The following BAG4 variants were observed in gnomAD, a reference collection of about 807,000 sequenced individuals.
BAG4 encodes BAG family molecular chaperone regulator 4.
In BAG4, 28 loss-of-function variants were observed where a neutral mutation model predicts 52.1. The observed-to-expected ratio is 0.54, with a 90% confidence interval of 0.40 to 0.74. The LOEUF (loss-of-function observed/expected upper bound fraction) is 0.74. BAG4 is among the 30% of genes least tolerant of loss of function. The pLI, the probability that BAG4 is intolerant of heterozygous loss-of-function variation, is 0.00. For synonymous variants in BAG4, 208 were observed against 217.0 expected, an observed-to-expected ratio of 0.96 and a Z score of 0.37; for missense variants, 525 against 572.0, an observed-to-expected ratio of 0.92 and a Z score of 0.84.
rs566922186 is a variant in BAG4, at chr8:38,196,641, A to ACT, written c.378+3849_378+3850dup. Among the ~76,000 whole-genome samples the ACT allele has an allele frequency of 5.0e-4, 76 of 151,476 alleles. 1 individual carries two copies. In the East Asian group the frequency reaches 0.014, roughly 28 times the overall value. On this transcript the variant is annotated intron_variant, in intron 2 of 4. Transcript: ENST00000287322. ...ACTGCAGCCTGGGCAACAGAGCGAG[A>ACT]CTCTGTCTCAAAAAAAAAAATTATA...
chr8:38,184,732 A>G (rs1191753859), intron 1 of BAG4, among the ~76,000 whole-genome samples: 1 of 152,120 alleles, frequency 6.6e-6, no homozygotes, highest in Non-Finnish European at 1.5e-5. Context: ...CCAGAAAGCA[A>G]GCAAGCTGGG....
chr8:38,185,114 CTG>C (rs1440037020), intron 1 of BAG4, among the ~76,000 whole-genome samples: 2 of 150,706 alleles, frequency 1.3e-5, no homozygotes, highest in African/African-American at 2.4e-5. Flanking sequence ...AAATAGAATG[CTG>C]TGTTTGGACC....
intron 2 of BAG4, among the ~76,000 whole-genome samples, chr8:38,193,864 A>G (rs778479156): frequency 9.3e-5 from 14 of 150,920 alleles, no homozygotes; most frequent in Non-Finnish European, 2.1e-4. Context: ...TCAGCCTCCC[A>G]AGTAGCTGGG....
intron 1 of BAG4, among the ~76,000 whole-genome samples, chr8:38,191,286 A>G (rs1803469337): frequency 6.6e-6 from 1 of 152,238 alleles, no homozygotes; most frequent in Non-Finnish European, 1.5e-5. Context: ...CAGTGTTGAT[A>G]ATTATGATTA....
intron 1 of BAG4, among the ~76,000 whole-genome samples, chr8:38,181,280 G>A (rs539177942): frequency 1.4e-5 from 2 of 146,162 alleles, no homozygotes; most frequent in South Asian, 4.3e-4. Context: ...TTTTGCCCAG[G>A]CTGGAGCGCA....
At chr8:38,184,595 A>G (rs943329867) in intron 1 of BAG4, among the ~76,000 whole-genome samples, 1 of 152,124 alleles carries the variant, frequency 6.6e-6, no homozygotes, top group Non-Finnish European at 1.5e-5. Context: ...CGGGTCGGAG[A>G]GTGTTGTTGA....
intron 1 of BAG4, among the ~76,000 whole-genome samples, chr8:38,191,649 A>C (rs536130267): frequency 2.7e-5 from 4 of 150,868 alleles, no homozygotes; most frequent in Admixed American, 2.6e-4. Flanking sequence ...AATCCCAGCT[A>C]TTCAGGAGGC....
At chr8:38,209,882 A>G (rs992833501) in intron 4 of BAG4, 126 bp from the exon 5 acceptor site, 12 of 1,349,270 alleles carry the variant, frequency 8.9e-6, no homozygotes, top group Non-Finnish European at 1.2e-5. Context: ...GAGGGGTCCA[A>G]TTTTATTGTT....
chr8:38,209,134 G>C lies in BAG4; in HGVS notation c.755G>C (p.Gly252Ala). The C allele has an allele frequency of 6.2e-7, 1 of 1,614,104 alleles. No homozygotes were observed. Among genetic ancestry groups the C allele is most frequent in the Non-Finnish European group, 8.5e-7 (1 of 1,180,026 alleles). The change falls in exon 4 of 5, where the codon GGT becomes GCT. Residue 252 changes from glycine to alanine, a missense_variant. Coordinates refer to ENST00000287322, the MANE Select transcript of BAG4 (RefSeq NM_004874.4). ...GCTTCTCCTGGTGCTTATGGAATGG[G>C]TGGCCGTTATCCCTGGCCTTCATCA... ...AWASPGAYGM[G>A]GRYPWPSSAP...
chr8:38,203,653 A>AT (rs1241114397), intron 2 of BAG4, among the ~76,000 whole-genome samples: 1 of 151,740 alleles, frequency 6.6e-6, no homozygotes, highest in Non-Finnish European at 1.5e-5. Context: ...GCCTACAGGG[A>AT]TTTTTTGTGA....
intron 1 of BAG4, among the ~76,000 whole-genome samples, chr8:38,188,652 CATATATACAT>C (rs1563280656): frequency 0.023 from 17 of 740 alleles, no homozygotes; most frequent in Non-Finnish European, 0.047. Flanking sequence ...TACATGTATA[CATATATACAT>C]GTATACATAT....
intron 2 of BAG4, among the ~76,000 whole-genome samples, chr8:38,206,199 T>TG (rs977981075): frequency 6.6e-5 from 10 of 150,594 alleles, no homozygotes; most frequent in African/African-American, 2.4e-4. Context: ...CGCTTGAATC[T>TG]GGGGGGTGGA....
At chr8:38,198,212 G>A (rs1479588265) in intron 2 of BAG4, among the ~76,000 whole-genome samples, 2 of 150,440 alleles carry the variant, frequency 1.3e-5, no homozygotes, top group East Asian at 2.0e-4. Context: ...GTGAAACCCC[G>A]TCTCTGCTAA....
intron 1 of BAG4, among the ~76,000 whole-genome samples, chr8:38,178,235 A>G (rs1803202485): frequency 6.7e-6 from 1 of 149,796 alleles, no homozygotes; most frequent in Admixed American, 6.7e-5. Flanking sequence ...GGCTCACTGC[A>G]ACCTCCGCCT....
At chr8:38,209,780 G>T (rs1321733930) in intron 4 of BAG4, among the ~76,000 whole-genome samples, 1 of 152,238 alleles carries the variant, frequency 6.6e-6, no homozygotes, top group Non-Finnish European at 1.5e-5. Context: ...GCAGGTTCCA[G>T]CCATTATAAC....
At chr8:38,187,088 C>T (rs979215420) in intron 1 of BAG4, among the ~76,000 whole-genome samples, 3 of 152,100 alleles carry the variant, frequency 2.0e-5, no homozygotes, top group Non-Finnish European at 4.4e-5. Flanking sequence ...GGAAAAAAAG[C>T]AGGTAACAGA....
intron 1 of BAG4, 88 bp from the exon 2 acceptor site, chr8:38,192,600 T>C (rs1803494487): frequency 1.9e-6 from 2 of 1,070,638 alleles, no homozygotes; most frequent in Non-Finnish European, 2.6e-6. Flanking sequence ...GCTTTTTTTT[T>C]TAATCCTTAT....
At chr8:38,177,533 G>A (rs1288290117) in intron 1 of BAG4, among the ~76,000 whole-genome samples, 1 of 152,178 alleles carries the variant, frequency 6.6e-6, no homozygotes. Flanking sequence ...TGCAGCCCCC[G>A]ATGCCGCTCA....
chr8:38,198,575 G>A (rs1472028105), intron 2 of BAG4, among the ~76,000 whole-genome samples: 7 of 145,802 alleles, frequency 4.8e-5, no homozygotes, highest in South Asian at 2.2e-4. Context: ...TGCGACCTCC[G>A]CCTCCCAGGT....
Sources: allele counts gnomAD v4.1 joint callset (sites outside exome capture counted in the v4.1 genomes callset), GRCh38; gene constraint gnomAD v4.1.1; transcripts MANE v1.5; gene names NCBI Gene and HGNC (gene_info 2026-07-23, HGNC 2026-07-21).